Variants in GCNT2 observed in about 807,000 individuals in gnomAD.
GCNT2 encodes glucosaminyl (N-acetyl) transferase 2 (I blood group).
A neutral mutation model predicts 34.2 loss-of-function variants in GCNT2; 34 were observed. The ratio of observed to expected loss-of-function variants is 1.00; its 90% CI spans 0.76 to 1.32. The LOEUF is 1.32. Among genes scored for constraint, GCNT2 ranks in the 40% most tolerant of loss-of-function variants. The probability of loss-of-function intolerance (pLI) is 0.00; values close to 1 mark genes in which losing one functional copy is unlikely to be tolerated. For synonymous variants in GCNT2, 212 were observed against 188.0 expected (o/e 1.13, Z -1.04); for missense variants, 584 against 489.4 (o/e 1.19, Z -1.82).
intron 3 of GCNT2, among the ~76,000 whole-genome samples, chr6:10,617,750 C>CTTTTTT (rs3064178): frequency 6.9e-5 from 7 of 101,732 alleles, no homozygotes; most frequent in African/African-American, 3.0e-4. Context: ...TGCATTTCTT[C>CTTTTTT]TTTTTTTTTT....
At chr6:10,526,376 C>G (rs553962629) in intron 1 of GCNT2, among the ~76,000 whole-genome samples, 13 of 152,116 alleles carry the variant, frequency 8.5e-5, no homozygotes, top group Non-Finnish European at 1.6e-4. Context: ...TTCCTGACAC[C>G]GTGAAATGGG....
intron 3 of GCNT2, among the ~76,000 whole-genome samples, chr6:10,611,978 G>T (rs1012485393): frequency 1.8e-4 from 26 of 147,456 alleles, no homozygotes; most frequent in East Asian, 3.9e-4. Flanking sequence ...TTTTTGTGGG[G>T]TTTTTTTTTT....
intron 3 of GCNT2, among the ~76,000 whole-genome samples, chr6:10,582,765 A>G (rs901620617): frequency 6.6e-6 from 1 of 151,022 alleles, no homozygotes; most frequent in African/African-American, 2.5e-5. Flanking sequence ...ATATCAGTTC[A>G]TTATGAGGGT....
In GCNT2 at chr6:10,627,884, A is replaced by C. The variant is rs1766336383; in HGVS notation, c.*1277A>C. 1 of 152,456 alleles carries C rather than the reference A, an allele frequency of 6.6e-6. No individual in the cohort carries two copies. The highest frequency in any genetic ancestry group is 1.5e-5 in the Non-Finnish European group (1 of 68,060). The allele number at this position is 152,456 out of a possible 1,614,324, so 9.4% of individuals were successfully genotyped here. A position where few individuals can be genotyped will look rare whatever the true frequency, so the allele number is the denominator to read the frequency against. On this transcript the variant is annotated 3_prime_UTR_variant, in exon 5 of 5. Coordinates refer to ENST00000495262, the MANE Select transcript of GCNT2 (RefSeq NM_145649.5). ...ATTATTCAACAGAGAGGGAGAAAGG[A>C]GGAGACAGAGGGAGGACCTGTTGTG...
At chr6:10,553,093 A>G (rs772902955) in intron 3 of GCNT2, among the ~76,000 whole-genome samples, 3 of 152,210 alleles carry the variant, frequency 2.0e-5, no homozygotes, top group Admixed American at 6.5e-5. Flanking sequence ...TCCTTTCCCA[A>G]CTAAAGGATG....
intron 3 of GCNT2, among the ~76,000 whole-genome samples, chr6:10,549,563 C>CTCTTTTTTTTT (rs1348760761): frequency 9.6e-6 from 1 of 104,300 alleles, no homozygotes; most frequent in African/African-American, 4.3e-5. Flanking sequence ...ATCTCTCTCT[C>CTCTTTTTTTTT]TTTTTTTTTT....
intron 1 of GCNT2, among the ~76,000 whole-genome samples, chr6:10,526,012 T>C (rs191866333): frequency 1.3e-5 from 2 of 152,328 alleles, no homozygotes; most frequent in South Asian, 2.1e-4. Context: ...TAATTCAGCA[T>C]TGACATTTTC....
At position 10,529,610 on chromosome 6, in the gene GCNT2, C is replaced by A; in HGVS notation, c.699C>A (p.His233Gln). The change falls in exon 3 of 5, where the codon CAC becomes CAA. Residue 233 changes from histidine (H) to glutamine (Q), a missense_variant. Transcript: ENST00000495262. ...DHAVGRTKYV[H>Q]QELLNHKNSY... Reference sequence around the variant, plus strand: ...CTGTTGGACGGACTAAATACGTCCACCAAGAACTGTTAAACCACAAAAATT... The same window carrying A: ...CTGTTGGACGGACTAAATACGTCCAACAAGAACTGTTAAACCACAAAAATT... 1 of 1,613,952 alleles carries A rather than the reference C, an allele frequency of 6.2e-7. No individual in the cohort carries two copies. The highest frequency in any genetic ancestry group is 8.5e-7 in the Non-Finnish European group (1 of 1,179,814).
intron 3 of GCNT2, chr6:10,581,928 T>C (rs1444844648): frequency 3.2e-6 from 3 of 936,308 alleles, no homozygotes; most frequent in Non-Finnish European, 3.8e-6. Context: ...GTCACATTTC[T>C]AGAGTGTGTG....
chr6:10,542,700 T>C (rs1762089730), intron 3 of GCNT2, among the ~76,000 whole-genome samples: 1 of 152,202 alleles, frequency 6.6e-6, no homozygotes, highest in Non-Finnish European at 1.5e-5. Flanking sequence ...TTTATAGGAA[T>C]GGATGCTGTT....
rs537600575 is a variant in GCNT2, at chr6:10,559,089, T to A, written c.925+29253T>A. On this transcript the variant is annotated intron_variant, in intron 3 of 4. Transcript: ENST00000495262. ...AATTGTTGCTTTTTTTTTTTTTTTT[T>A]AGAAAAACATGGGTTTTGGTTTCTA... Among the ~76,000 whole-genome samples, 88 of 151,210 alleles carry A rather than the reference T, an allele frequency of 5.8e-4. 2 individuals carry two copies. In the South Asian group the frequency reaches 0.013, roughly 22 times the overall value.
intron 4 of GCNT2, 138 bp downstream of exon 4, chr6:10,621,581 G>C (rs1235612535): frequency 1.4e-6 from 1 of 695,930 alleles, no homozygotes; most frequent in Non-Finnish European, 2.6e-6. Flanking sequence ...GAAGCCAGAG[G>C]CTTCAAGACA....
chr6:10,589,828 T>C (rs1386300149), intron 3 of GCNT2, among the ~76,000 whole-genome samples: 4 of 152,120 alleles, frequency 2.6e-5, no homozygotes. Flanking sequence ...AAAGGAAAAA[T>C]GGTCCTTATT....
intron 3 of GCNT2, among the ~76,000 whole-genome samples, chr6:10,603,808 C>T (rs1048382688): frequency 2.1e-5 from 3 of 141,872 alleles, no homozygotes; most frequent in Non-Finnish European, 4.6e-5. Context: ...AGCCACTGTG[C>T]CTGACAGTCT....
At chr6:10,623,061 C>T (rs1028951457) in intron 4 of GCNT2, among the ~76,000 whole-genome samples, 72 of 151,866 alleles carry the variant, frequency 4.7e-4, no homozygotes, top group Admixed American at 1.5e-3. Context: ...CCCCATCTTA[C>T]CTGCACCTAA....
At chr6:10,598,777 G>A (rs972222851) in intron 3 of GCNT2, among the ~76,000 whole-genome samples, 9 of 152,104 alleles carry the variant, frequency 5.9e-5, no homozygotes, top group South Asian at 4.1e-4. Context: ...CTCTGGAGCC[G>A]GATCATTTGG....
chr6:10,556,566 G>A, intron 3 of GCNT2: 7 of 1,614,086 alleles, frequency 4.3e-6, no homozygotes, highest in South Asian at 3.3e-5. Flanking sequence ...ACTCAAGTTT[G>A]CACATCTTTT....
intron 3 of GCNT2, among the ~76,000 whole-genome samples, chr6:10,560,710 T>C (rs1762937456): frequency 6.6e-6 from 1 of 152,066 alleles, no homozygotes; most frequent in Non-Finnish European, 1.5e-5. Context: ...TTCATAGAAG[T>C]AGCAGTAAAT....
intron 3 of GCNT2, chr6:10,556,221 G>A (rs1762694602): frequency 1.4e-6 from 2 of 1,437,076 alleles, no homozygotes; most frequent in South Asian, 3.0e-5. Flanking sequence ...GTTTGAGAGA[G>A]GCGGGATCTG....
Sources: gnomAD v4.1 joint callset for allele counts (sites outside exome capture counted in the v4.1 genomes callset) on GRCh38, gnomAD v4.1.1 for gene constraint, MANE v1.5 for transcripts, NCBI Gene and HGNC (gene_info 2026-07-23, HGNC 2026-07-21) for gene names.